Variants in NRP1 observed in about 807,000 individuals in gnomAD.
NRP1 encodes neuropilin 1.
A neutral mutation model predicts 106.7 loss-of-function variants in NRP1; 35 were observed. The ratio of observed to expected loss-of-function variants is 0.33; its 90% CI spans 0.25 to 0.43. NRP1 has a LOEUF of 0.43. NRP1 is among the 20% of genes least tolerant of loss of function. NRP1 has a pLI of 1.00. For synonymous variants in NRP1, 437 were observed against 417.9 expected, an observed-to-expected ratio of 1.05 and a Z score of -0.56; for missense variants, 1,024 against 1,170.4, an observed-to-expected ratio of 0.87 and a Z score of 1.83.
intron 4 of NRP1, 79 bp from the exon 5 acceptor site, chr10:33,256,550 G>A (rs1842210734): frequency 6.7e-7 from 1 of 1,500,100 alleles, no homozygotes; most frequent in South Asian, 1.2e-5. Context: ...TTACAAAGAT[G>A]GGCCCCAGTA....
intron 6 of NRP1, among the ~76,000 whole-genome samples, chr10:33,231,232 C>A (rs1840103831): frequency 6.6e-6 from 1 of 152,104 alleles, no homozygotes; most frequent in Admixed American, 6.5e-5. Flanking sequence ...TTTTGCTGTA[C>A]CTCCTTCTAG....
In NRP1 at chr10:33,334,539, G is replaced by C; in HGVS notation, c.-157C>G. On this transcript the variant is annotated 5_prime_UTR_variant, in exon 1 of 17. Coordinates refer to ENST00000374867, the MANE Select transcript of NRP1 (RefSeq NM_003873.7). ...GGAGAAAAGAAAGCAGCGAGGCAAT[G>C]CCTGGATCCGAGAGGAACGCTTCTC... The C allele has an allele frequency of 3.3e-6, 2 of 608,430 alleles. No homozygotes were observed. Among genetic ancestry groups the C allele is most frequent in the South Asian group, 2.1e-5 (1 of 46,568 alleles). 37.7% of individuals were successfully genotyped at this position (608,430 alleles called of 1,614,324 possible).
At chr10:33,315,718 GAA>G (rs1846981613) in intron 2 of NRP1, among the ~76,000 whole-genome samples, 6 of 38,368 alleles carry the variant, frequency 1.6e-4, no homozygotes, top group Admixed American at 1.1e-3. Context: ...AGAGGACGGA[GAA>G]AGAAAGACCG....
intron 2 of NRP1, among the ~76,000 whole-genome samples, chr10:33,275,701 G>A (rs1044627525): frequency 6.6e-6 from 1 of 151,104 alleles, no homozygotes; most frequent in African/African-American, 2.4e-5. Context: ...AGTTTGAGAC[G>A]AGCCTGAGCA....
chr10:33,218,829 G>C (rs1038744776), intron 8 of NRP1, among the ~76,000 whole-genome samples: 1 of 151,860 alleles, frequency 6.6e-6, no homozygotes, highest in South Asian at 2.1e-4. Flanking sequence ...CCAGCCGCTT[G>C]TTTCTCAGAA....
chr10:33,334,440 C>A lies in NRP1; in HGVS notation c.-58G>T. On this transcript the variant is annotated 5_prime_UTR_variant, in exon 1 of 17. Transcript: ENST00000374867. Reference sequence around the variant, plus strand: ...GAGAACGAGGACGTGGGGGGAAATGCAGCAAAGAGGAGAATCTAAGCGATC... The same window carrying A: ...GAGAACGAGGACGTGGGGGGAAATGAAGCAAAGAGGAGAATCTAAGCGATC... The A allele has an allele frequency of 6.9e-7, 1 of 1,441,694 alleles. No homozygotes were observed. The allele number at this position is 1,441,694 out of a possible 1,614,324, so 89.3% of individuals were successfully genotyped here. A position where few individuals can be genotyped will look rare whatever the true frequency, so the allele number is the denominator to read the frequency against.
intron 12 of NRP1, among the ~76,000 whole-genome samples, chr10:33,196,555 C>T (rs925280926): frequency 5.3e-5 from 8 of 152,134 alleles, no homozygotes; most frequent in Non-Finnish European, 1.0e-4. Flanking sequence ...AGGACGACAC[C>T]ATTTTCTGAA....
chr10:33,182,314 G>A (rs1007548090), intron 16 of NRP1, among the ~76,000 whole-genome samples: 7 of 152,122 alleles, frequency 4.6e-5, no homozygotes, highest in African/African-American at 1.7e-4. Context: ...AATTTCGGTT[G>A]GTTTCAAATA....
chr10:33,202,728 A>G, intron 11 of NRP1, 163 bp downstream of exon 11: 1 of 1,555,378 alleles, frequency 6.4e-7, no homozygotes, highest in Non-Finnish European at 8.7e-7. Flanking sequence ...ATCTATCCAG[A>G]TGACATGAGG....
intron 16 of NRP1, among the ~76,000 whole-genome samples, chr10:33,182,311 G>A (rs1029442614): frequency 1.3e-5 from 2 of 152,132 alleles, no homozygotes; most frequent in African/African-American, 4.8e-5. Context: ...AAGAATTTCG[G>A]TTGGTTTCAA....
chr10:33,262,269 C>T (rs1236304053), intron 4 of NRP1, among the ~76,000 whole-genome samples: 3 of 152,212 alleles, frequency 2.0e-5, no homozygotes, highest in African/African-American at 7.2e-5. Flanking sequence ...TTATCCCCCT[C>T]TGTTCAGAAT....
intron 11 of NRP1, among the ~76,000 whole-genome samples, chr10:33,199,497 C>T (rs1463933461): frequency 7.0e-6 from 1 of 142,788 alleles, no homozygotes; most frequent in Non-Finnish European, 1.5e-5. Flanking sequence ...CTCGCTTTGG[C>T]CTCCCAAAGT....
intron 2 of NRP1, among the ~76,000 whole-genome samples, chr10:33,326,795 C>T (rs990575174): frequency 1.3e-5 from 2 of 152,138 alleles, no homozygotes; most frequent in African/African-American, 4.8e-5. Flanking sequence ...TTGACAGCCA[C>T]TGCAAAAACT....
chr10:33,197,600 A>G, intron 12 of NRP1, 50 bp downstream of exon 12: 1 of 1,456,072 alleles, frequency 6.9e-7, no homozygotes, highest in Non-Finnish European at 9.5e-7. Flanking sequence ...GCAGCCGCGG[A>G]GAGAAGAGAG....
chr10:33,240,331 C>A (rs959622984), intron 6 of NRP1, among the ~76,000 whole-genome samples: 4 of 152,114 alleles, frequency 2.6e-5, no homozygotes, highest in Non-Finnish European at 5.9e-5. Context: ...TCTATGCTAC[C>A]CATAAAGTTT....
intron 8 of NRP1, among the ~76,000 whole-genome samples, chr10:33,219,480 T>C (rs926763949): frequency 6.6e-6 from 1 of 152,192 alleles, no homozygotes; most frequent in Non-Finnish European, 1.5e-5. Flanking sequence ...GTGGAGACCA[T>C]GATTAAGAGA....
At chr10:33,222,042 T>C (rs2132896475) in intron 7 of NRP1, among the ~76,000 whole-genome samples, 179 bp from the exon 8 acceptor site, 1 of 152,370 alleles carries the variant, frequency 6.6e-6, no homozygotes, top group African/African-American at 2.4e-5. Context: ...TGATGTCTAA[T>C]ATAGAATACT....
At chr10:33,298,431 C>T (rs915700797) in intron 2 of NRP1, among the ~76,000 whole-genome samples, 3 of 152,162 alleles carry the variant, frequency 2.0e-5, no homozygotes, top group Non-Finnish European at 1.5e-5. Flanking sequence ...GCCTGGAAGA[C>T]GATGGGCCCA....
At chr10:33,302,077 G>C (rs1845841136) in intron 2 of NRP1, among the ~76,000 whole-genome samples, 1 of 152,086 alleles carries the variant, frequency 6.6e-6, no homozygotes, top group African/African-American at 2.4e-5. Flanking sequence ...TTAGTACAGA[G>C]TCTCTGTATA....
Sources: gnomAD v4.1 joint callset for allele counts (sites outside exome capture counted in the v4.1 genomes callset) on GRCh38, gnomAD v4.1.1 for gene constraint, MANE v1.5 for transcripts, NCBI Gene and HGNC (gene_info 2026-07-23, HGNC 2026-07-21) for gene names.